Variants in USP14 observed in about 807,000 individuals in gnomAD.
The protein encoded by USP14 is ubiquitin carboxyl-terminal hydrolase 14.
A neutral mutation model predicts 76.5 loss-of-function variants in USP14; 38 were observed. That is an observed-to-expected ratio of 0.50 (90% CI 0.38 to 0.65). USP14 has a LOEUF of 0.65. Among genes scored for constraint, USP14 ranks in the 30% least tolerant of loss-of-function variants. The pLI is 0.00. For missense variants in USP14, 467 were observed against 586.5 expected, an observed-to-expected ratio of 0.80 and a Z score of 2.10; for synonymous variants, 192 against 191.7, an observed-to-expected ratio of 1.00 and a Z score of -0.01.
At chr18:180,032 A>G (rs1598269835) in intron 4 of USP14, among the ~76,000 whole-genome samples, 1 of 152,166 alleles carries the variant, frequency 6.6e-6, no homozygotes, top group African/African-American at 2.4e-5. Flanking sequence ...ACTAAAACAT[A>G]ATATGATGGC....
At chr18:197,734 T>C (rs1476742192) in intron 8 of USP14, 38 bp downstream of exon 8, 4 of 1,518,150 alleles carry the variant, frequency 2.6e-6, no homozygotes, top group South Asian at 1.2e-5. Flanking sequence ...ACTTTCGTTA[T>C]ACCTTGATTT....
chr18:164,408 T>G (rs959957577), intron 2 of USP14, among the ~76,000 whole-genome samples: 6 of 152,168 alleles, frequency 3.9e-5, no homozygotes, highest in Admixed American at 3.3e-4. Flanking sequence ...TGTTCATTTT[T>G]TTTTTTTGGC....
chr18:188,380 T>C lies in USP14; in HGVS notation c.405-4462T>C, dbSNP rs1429296623. On this transcript the variant is annotated intron_variant, in intron 5 of 15. Transcript: ENST00000261601. Reference sequence around the variant, plus strand: ...GTTAATAGTTAGCCTAATAGTAGACTATATTCCTGATACATTCGTATTCTT... The same window carrying C: ...GTTAATAGTTAGCCTAATAGTAGACCATATTCCTGATACATTCGTATTCTT... 5.9e-5 allele frequency among the ~76,000 whole-genome samples: 9 copies of C among 152,288 alleles called. No individual in the cohort carries two copies. The East Asian group carries it at 1.7e-3, about 29-fold the overall frequency.
intron 5 of USP14, among the ~76,000 whole-genome samples, chr18:189,665 T>C (rs1418119234): frequency 1.3e-5 from 2 of 152,128 alleles, no homozygotes; most frequent in Non-Finnish European, 2.9e-5. Flanking sequence ...GTATTTTTAT[T>C]AGAGACAGGG....
At chr18:165,503 G>A (rs948263) in intron 2 of USP14, among the ~76,000 whole-genome samples, 55,364 of 151,892 alleles carry the variant, frequency 0.36, 10,561 homozygotes, top group Admixed American at 0.49. Flanking sequence ...AGAAGTATGC[G>A]AATTAAATGA....
At chr18:180,001 C>T (rs1401375488) in intron 4 of USP14, among the ~76,000 whole-genome samples, 1 of 152,052 alleles carries the variant, frequency 6.6e-6, no homozygotes, top group Non-Finnish European at 1.5e-5. Flanking sequence ...TGATTATTCT[C>T]TTATTATATT....
chr18:166,951 TC>T, intron 3 of USP14, 132 bp downstream of exon 3: 1 of 745,006 alleles, frequency 1.3e-6, no homozygotes, highest in Non-Finnish European at 2.1e-6. Flanking sequence ...ACTTACCTTT[TC>T]CCATTGACTT....
At chr18:188,317 T>G (rs1051922459) in intron 5 of USP14, among the ~76,000 whole-genome samples, 1 of 152,170 alleles carries the variant, frequency 6.6e-6, no homozygotes, top group Non-Finnish European at 1.5e-5. Context: ...GACCTAGTAC[T>G]AAGATTTTTC....
intron 10 of USP14, among the ~76,000 whole-genome samples, chr18:200,879 G>A (rs183250904): frequency 1.7e-4 from 26 of 152,204 alleles, no homozygotes; most frequent in Non-Finnish European, 2.4e-4. Context: ...TCGGCTCACT[G>A]CAACCTCTGA....
intron 3 of USP14, among the ~76,000 whole-genome samples, chr18:174,441 T>C (rs1341614292): frequency 6.6e-6 from 1 of 151,810 alleles, no homozygotes; most frequent in Non-Finnish European, 1.5e-5. Flanking sequence ...AATTTTTGTA[T>C]TTTTAGTAGA....
chr18:200,454 G>A (rs1397348292), intron 10 of USP14, among the ~76,000 whole-genome samples: 4 of 152,216 alleles, frequency 2.6e-5, no homozygotes, highest in Non-Finnish European at 5.9e-5. Flanking sequence ...CCATTGCACT[G>A]TCTTGCAGTT....
At chr18:186,033 ACTTGTT>A (rs957538218) in intron 5 of USP14, among the ~76,000 whole-genome samples, 1 of 151,736 alleles carries the variant, frequency 6.6e-6, no homozygotes, top group African/African-American at 2.4e-5. Flanking sequence ...ACAGATTTCA[ACTTGTT>A]CTTGACAAAA....
intron 3 of USP14, among the ~76,000 whole-genome samples, chr18:168,649 G>A (rs1909348340): frequency 6.6e-6 from 1 of 151,852 alleles, no homozygotes; most frequent in African/African-American, 2.4e-5. Context: ...TGGCCAGGCT[G>A]GTCTCGAACT....
chr18:178,833 ATTATG>A (rs1278291041), intron 3 of USP14, 95 bp from the exon 4 acceptor site: 1 of 822,158 alleles, frequency 1.2e-6, no homozygotes, highest in African/African-American at 1.7e-5. Context: ...GGCAAATAGA[ATTATG>A]TTATATGTGT....
In USP14 at chr18:213,856, T is replaced by A. The variant is rs1598283294; in HGVS notation, c.*2572T>A. On this transcript the variant is annotated 3_prime_UTR_variant, in exon 16 of 16. Coordinates refer to ENST00000261601, the MANE Select transcript of USP14 (RefSeq NM_005151.4). ...AATGTCACAAGAATCCCTGAAGTGA[T>A]TAAAAGTCTTGAGAGGTCAGGCAAT... is the stretch of plus-strand genomic sequence containing the variant. 6.6e-6 allele frequency: 1 copy of A among 152,220 alleles called. No individual in the cohort carries two copies. Among genetic ancestry groups the A allele is most frequent in the African/African-American group, 2.4e-5 (1 of 41,446 alleles). The allele number at this position is 152,220 out of a possible 1,614,324, so 9.4% of individuals were successfully genotyped here. A position where few individuals can be genotyped will look rare whatever the true frequency, so the allele number is the denominator to read the frequency against.
Position 213,368 on chromosome 18 carries a change from ATTTT to A in USP14, c.*2088_*2091del, listed in dbSNP as rs577740848. 6.6e-6 allele frequency: 1 copy of A among 152,128 alleles called. No homozygotes were observed. The highest frequency in any genetic ancestry group is 1.5e-5 in the Non-Finnish European group (1 of 68,014). The allele number at this position is 152,128 out of a possible 1,614,324, so 9.4% of individuals were successfully genotyped here. A position where few individuals can be genotyped will look rare whatever the true frequency, so the allele number is the denominator to read the frequency against. On this transcript the variant is annotated 3_prime_UTR_variant, in exon 16 of 16. Coordinates refer to ENST00000261601, the MANE Select transcript of USP14 (RefSeq NM_005151.4). ...CCTTATCATCATTATAAAAAGCTTG[ATTTT>A]TTTATTTGATCTAAAAAAGCATTAT...
intron 10 of USP14, among the ~76,000 whole-genome samples, chr18:200,265 G>T (rs191020277): frequency 2.2e-4 from 34 of 152,212 alleles, no homozygotes; most frequent in Admixed American, 2.0e-3. Context: ...GTTTTCTTAC[G>T]TGAAAATGAG....
At chr18:196,330 A>T (rs1567833926) in intron 6 of USP14, among the ~76,000 whole-genome samples, 1 of 151,746 alleles carries the variant, frequency 6.6e-6, no homozygotes, top group Non-Finnish European at 1.5e-5. Flanking sequence ...GAGCCTGGCC[A>T]GCATGGTGAA....
intron 3 of USP14, among the ~76,000 whole-genome samples, chr18:172,763 T>A (rs1276866776): frequency 6.6e-6 from 1 of 152,186 alleles, no homozygotes; most frequent in Non-Finnish European, 1.5e-5. Context: ...TGTGCATTCC[T>A]TTTTAGACAT....
Sources: allele counts gnomAD v4.1 joint callset (sites outside exome capture counted in the v4.1 genomes callset), GRCh38; gene constraint gnomAD v4.1.1; transcripts MANE v1.5; gene names NCBI Gene and HGNC (gene_info 2026-07-23, HGNC 2026-07-21).